Variants in PLD1 observed in about 807,000 individuals in gnomAD.
The protein encoded by PLD1 is choline phosphatase 1.
In PLD1, 112 loss-of-function variants were observed where a neutral mutation model predicts 137.1. The observed-to-expected ratio is 0.82, with a 90% CI of 0.70 to 0.96. PLD1 has a LOEUF of 0.96. Among genes scored for constraint, PLD1 ranks in the 40% least tolerant of loss-of-function variants. The pLI is 0.00. For missense variants in PLD1, 1,321 were observed against 1,342.0 expected (o/e 0.98, Z 0.24); for synonymous variants, 431 against 454.7 (o/e 0.95, Z 0.66).
chr3:171,656,156 T>TTTTTTTTTTTATTTATTTATTTA lies in PLD1; in HGVS notation c.2429+3056_2429+3057insTAAATAAATAAATAAAAAAAAAA, dbSNP rs1553810398. ...TTCTTGTAGCCCTAAAATACTATAATTTTATTTATTTATTTATTTATTTAT... is the reference window on the plus strand; with the variant it reads ...TTCTTGTAGCCCTAAAATACTATAATTTTTTTTTTTATTTATTTATTTATTTATTTATTTATTTATTTATTTAT... On this transcript the variant is annotated intron_variant, in intron 21 of 26. Transcript: ENST00000351298. Among the ~76,000 whole-genome samples, 32 of 145,360 alleles carry TTTTTTTTTTTATTTATTTATTTA rather than the reference T, an allele frequency of 2.2e-4. 1 individual carries two copies. The highest frequency in any genetic ancestry group is 3.9e-4 in the Non-Finnish European group (26 of 66,692).
chr3:171,782,731 T>C (rs147582379), intron 1 of PLD1, among the ~76,000 whole-genome samples: 2 of 152,196 alleles, frequency 1.3e-5, no homozygotes, highest in African/African-American at 4.8e-5. Flanking sequence ...ACTGACAACT[T>C]ATCAGAGTTT....
chr3:171,677,764 C>T, intron 16 of PLD1, 70 bp from the exon 17 acceptor site: 7 of 1,469,084 alleles, frequency 4.8e-6, no homozygotes, highest in Middle Eastern at 1.8e-4. Context: ...GCTCAACTCT[C>T]ATTTATTAAA....
At chr3:171,753,087 A>G (rs1197111576) in intron 1 of PLD1, among the ~76,000 whole-genome samples, 1 of 152,340 alleles carries the variant, frequency 6.6e-6, no homozygotes, top group East Asian at 1.9e-4. Flanking sequence ...GCTTTGAACC[A>G]TGTCTGAAAT....
At chr3:171,808,730 T>C (rs1487021256) in intron 1 of PLD1, among the ~76,000 whole-genome samples, 1 of 151,830 alleles carries the variant, frequency 6.6e-6, no homozygotes, top group Non-Finnish European at 1.5e-5. Context: ...ATGAGCATTG[T>C]ACAGCGCTTA....
At chr3:171,720,437 C>G (rs1241284018) in intron 8 of PLD1, among the ~76,000 whole-genome samples, 1 of 151,864 alleles carries the variant, frequency 6.6e-6, no homozygotes, top group East Asian at 1.9e-4. Context: ...AAAAAATTAG[C>G]CGGGCGTCAT....
intron 23 of PLD1, among the ~76,000 whole-genome samples, chr3:171,621,460 G>T (rs1733625059): frequency 6.6e-6 from 1 of 152,126 alleles, no homozygotes; most frequent in Admixed American, 6.6e-5. Flanking sequence ...CATACTAATA[G>T]AAGGGTGGCA....
intron 23 of PLD1, among the ~76,000 whole-genome samples, chr3:171,638,350 T>G (rs189924174): frequency 1.3e-5 from 2 of 152,304 alleles, no homozygotes; most frequent in East Asian, 3.9e-4. Context: ...ATTTTTAAAT[T>G]TATTTAAAAA....
chr3:171,751,416 A>C (rs187541805), intron 1 of PLD1, among the ~76,000 whole-genome samples: 1 of 152,324 alleles, frequency 6.6e-6, no homozygotes, highest in African/African-American at 2.4e-5. Flanking sequence ...TTGGGAGAAG[A>C]CATAAGTAGA....
Position 171,737,653 on chromosome 3 carries a change from A to G in PLD1, c.167T>C (p.Ile56Thr). ...AGTGTTATAAATAGCAGAGAAAGGG[A>G]TATACACTAAAAAAAAAAGTAAATA... is the stretch of plus-strand genomic sequence containing the variant. Reference protein sequence around the residue: ...PSDPKIQEVYIPFSAIYNTQG... With the variant: ...PSDPKIQEVYTPFSAIYNTQG... Residue 56 changes from isoleucine (I) to threonine (T), a missense_variant, in exon 3 of 27, where the codon ATC becomes ACC. Ile to Thr is a moderately conservative substitution (Grantham distance 89). Transcript: ENST00000351298. 6.5e-7 allele frequency: 1 copy of G among 1,527,566 alleles called. No individual in the cohort carries two copies. The highest frequency in any genetic ancestry group is 9.0e-7 in the Non-Finnish European group (1 of 1,115,428). 94.6% of individuals were successfully genotyped at this position (1,527,566 alleles called of 1,614,324 possible). A position where few individuals can be genotyped will look rare whatever the true frequency, so the allele number is the denominator to read the frequency against.
intron 11 of PLD1, among the ~76,000 whole-genome samples, chr3:171,702,051 A>C (rs560650933): frequency 6.6e-6 from 1 of 152,236 alleles, no homozygotes; most frequent in Non-Finnish European, 1.5e-5. Flanking sequence ...CAAAGTAAGA[A>C]GATGGGGGAA....
At chr3:171,691,801 T>G (rs1715186062) in intron 13 of PLD1, among the ~76,000 whole-genome samples, 1 of 152,222 alleles carries the variant, frequency 6.6e-6, no homozygotes, top group South Asian at 2.1e-4. Flanking sequence ...CATTATGTCT[T>G]GATGTACCTC....
At chr3:171,725,969 A>G in intron 7 of PLD1, 49 bp downstream of exon 7, 4 of 1,260,370 alleles carry the variant, frequency 3.2e-6, no homozygotes, top group South Asian at 2.4e-5. Flanking sequence ...TTAAGTGTGA[A>G]TGCAAATCAA....
intron 1 of PLD1, among the ~76,000 whole-genome samples, chr3:171,802,954 G>C (rs990571167): frequency 6.6e-6 from 1 of 152,194 alleles, no homozygotes; most frequent in African/African-American, 2.4e-5. Flanking sequence ...AGGCACATGG[G>C]GTGATCATCA....
chr3:171,669,947 T>C (rs1232835163), intron 19 of PLD1, among the ~76,000 whole-genome samples: 2 of 152,224 alleles, frequency 1.3e-5, no homozygotes, highest in East Asian at 3.9e-4. Context: ...CTAGAATCTA[T>C]CCCTTAATTG....
intron 1 of PLD1, among the ~76,000 whole-genome samples, chr3:171,753,355 G>A (rs1056321703): frequency 2.0e-5 from 3 of 152,214 alleles, no homozygotes; most frequent in African/African-American, 7.2e-5. Flanking sequence ...TTAAAAGGCA[G>A]GCTGCCAAAC....
At chr3:171,613,470 C>G (rs1335419878) in intron 24 of PLD1, among the ~76,000 whole-genome samples, 1 of 152,132 alleles carries the variant, frequency 6.6e-6, no homozygotes, top group East Asian at 1.9e-4. Flanking sequence ...GGCTTTAACT[C>G]AAAGTCACAT....
intron 16 of PLD1, among the ~76,000 whole-genome samples, chr3:171,685,130 C>T (rs1578268118): frequency 6.6e-6 from 1 of 152,120 alleles, no homozygotes; most frequent in African/African-American, 2.4e-5. Flanking sequence ...TTTTTTGCAA[C>T]TTTTTTTAGC....
At chr3:171,728,847 T>C (rs926669997) in intron 6 of PLD1, among the ~76,000 whole-genome samples, 9 of 152,164 alleles carry the variant, frequency 5.9e-5, no homozygotes, top group African/African-American at 2.2e-4. Context: ...AAGTTACACA[T>C]TAATATGAAA....
At chr3:171,792,864 G>A in intron 1 of PLD1, 1 of 365,592 alleles carries the variant, frequency 2.7e-6, no homozygotes, top group Non-Finnish European at 5.4e-6. Flanking sequence ...GGCTGAGGTG[G>A]AGCCTCACAC....
Sources: gnomAD v4.1 joint callset for allele counts (sites outside exome capture counted in the v4.1 genomes callset) on GRCh38, gnomAD v4.1.1 for gene constraint, MANE v1.5 for transcripts, NCBI Gene and HGNC (gene_info 2026-07-23, HGNC 2026-07-21) for gene names.